Variants in ZNF735 observed in about 807,000 individuals in gnomAD.
ZNF735 encodes zinc finger protein 735, also known as putative zinc finger protein 735.
In ZNF735, 11 loss-of-function variants were observed where a neutral mutation model predicts 13.4. That is an observed-to-expected ratio of 0.82 (90% CI 0.52 to 1.36). The LOEUF (loss-of-function observed/expected upper bound fraction) is 1.36. Ranked by LOEUF, ZNF735 falls within the 40% of genes most tolerant of loss-of-function variation. The pLI is 0.00. For missense variants in ZNF735, 500 were observed against 484.6 expected, an observed-to-expected ratio of 1.03 and a Z score of -0.30; for synonymous variants, 171 against 162.6, an observed-to-expected ratio of 1.05 and a Z score of -0.39.
intron 1 of ZNF735, among the ~76,000 whole-genome samples, chr7:64,211,890 A>T (rs796613130): frequency 0.013 from 1,254 of 96,512 alleles, 17 homozygotes; most frequent in African/African-American, 0.048. Context: ...AAAGAAAAAA[A>T]ATATATATAT....
chr7:64,219,935 G>C (rs1468894763), exon 4 of ZNF735: 3 of 1,607,254 alleles, frequency 1.9e-6, no homozygotes, highest in Non-Finnish European at 2.5e-6. Flanking sequence ...ACTGGAGAGA[G>C]ACCCTACAAA....
chr7:64,220,282 T>G (rs755260446), exon 4 of ZNF735: 1 of 1,606,094 alleles, frequency 6.2e-7, no homozygotes, highest in Non-Finnish European at 8.5e-7. Context: ...ACCCTACAAA[T>G]GTAAATAATG....
At position 64,217,153 on chromosome 7, in the gene ZNF735, A is replaced by G. The variant is rs983323831; in HGVS notation, c.263-2161A>G. On this transcript the variant is annotated intron_variant, in intron 3 of 3. Transcript: ENST00000429565. ...AATCCCTCATGAATGACTTGGCACA[A>G]TCATAGAGTTCTCACACTATTAATT... Among the ~76,000 whole-genome samples the G allele has an allele frequency of 3.3e-5, 5 of 152,164 alleles. No homozygotes were observed. The East Asian group carries it at 5.8e-4, about 18-fold the overall frequency.
chr7:64,211,788 C>G (rs951449623), intron 1 of ZNF735, among the ~76,000 whole-genome samples: 8 of 151,202 alleles, frequency 5.3e-5, no homozygotes, highest in African/African-American at 1.9e-4. Flanking sequence ...ATTGCTTGAC[C>G]TCAGGAGGCG....
chr7:64,217,192 G>A (rs931637340), intron 3 of ZNF735, among the ~76,000 whole-genome samples: 3 of 152,146 alleles, frequency 2.0e-5, no homozygotes, highest in Admixed American at 6.5e-5. Context: ...ATGAGAGCTG[G>A]TTGCTTAAAG....
chr7:64,207,363 C>T, intron 1 of ZNF735, 122 bp downstream of exon 1: 6 of 1,587,988 alleles, frequency 3.8e-6, no homozygotes, highest in Middle Eastern at 3.7e-4. Flanking sequence ...CCCAAATCCT[C>T]CTTGGCCCAG....
intron 3 of ZNF735, among the ~76,000 whole-genome samples, chr7:64,216,013 A>G (rs1787416336): frequency 6.6e-6 from 1 of 152,120 alleles, no homozygotes; most frequent in African/African-American, 2.4e-5. Flanking sequence ...TAAAAATTTT[A>G]GGTCAAGCGT....
At chr7:64,212,113 TAGG>T (rs1311382468) in intron 1 of ZNF735, among the ~76,000 whole-genome samples, 2 of 152,154 alleles carry the variant, frequency 1.3e-5, no homozygotes, top group Non-Finnish European at 2.9e-5. Context: ...TAAGTACACT[TAGG>T]AGATTTACTA....
chr7:64,219,540 C>T, exon 4 of ZNF735: 1 of 1,594,914 alleles, frequency 6.3e-7, no homozygotes, highest in Non-Finnish European at 8.6e-7. Flanking sequence ...ATAAATGTGT[C>T]AAAGTCTTCA....
At position 64,207,243 on chromosome 7, in the gene ZNF735, T is replaced by G. The variant is rs1285441385; in HGVS notation, c.39+2T>G. ...GGACCCCCTGGAAGCCGAGAAATGGTGAGTGCTGGGTCTGTCATCGTGAGA... is the reference window on the plus strand; with the variant it reads ...GGACCCCCTGGAAGCCGAGAAATGGGGAGTGCTGGGTCTGTCATCGTGAGA... On this transcript the variant is annotated splice_donor_variant, in intron 1 of 3. Transcript: ENST00000429565. LOFTEE classifies it high-confidence loss of function. The G allele has an allele frequency of 6.2e-7, 1 of 1,614,070 alleles. No individual in the cohort carries two copies. Among genetic ancestry groups the G allele is most frequent in the Non-Finnish European group, 8.5e-7 (1 of 1,180,010 alleles).
At chr7:64,218,091 C>A (rs1367725570) in intron 3 of ZNF735, among the ~76,000 whole-genome samples, 1 of 152,042 alleles carries the variant, frequency 6.6e-6, no homozygotes, top group Non-Finnish European at 1.5e-5. Context: ...CTCTTTTCAG[C>A]ATTTTATTTA....
chr7:64,210,004 CT>C (rs1406031144), intron 1 of ZNF735, among the ~76,000 whole-genome samples: 1 of 151,894 alleles, frequency 6.6e-6, no homozygotes, highest in African/African-American at 2.4e-5. Context: ...TATATATTTT[CT>C]TTTTAAAATT....
intron 1 of ZNF735, among the ~76,000 whole-genome samples, chr7:64,209,276 T>C (rs1787329710): frequency 6.6e-6 from 1 of 151,758 alleles, no homozygotes; most frequent in South Asian, 2.1e-4. Context: ...TTGAATTATT[T>C]CTTTTTTCTT....
intron 3 of ZNF735, among the ~76,000 whole-genome samples, chr7:64,215,015 G>A (rs1396313598): frequency 6.7e-6 from 1 of 149,322 alleles, no homozygotes; most frequent in Non-Finnish European, 1.5e-5. Context: ...CTTCCCATTT[G>A]TATATCTTTT....
chr7:64,211,587 G>A (rs1295893155), intron 1 of ZNF735, among the ~76,000 whole-genome samples: 1 of 152,060 alleles, frequency 6.6e-6, no homozygotes, highest in Non-Finnish European at 1.5e-5. Context: ...ATTTAGGTCA[G>A]TCACGGTGGC....
At chr7:64,215,944 G>A (rs994456712) in intron 3 of ZNF735, among the ~76,000 whole-genome samples, 4 of 152,064 alleles carry the variant, frequency 2.6e-5, no homozygotes, top group Non-Finnish European at 4.4e-5. Flanking sequence ...TTGAAATCAT[G>A]AAGTATAATG....
Position 64,213,082 on chromosome 7 carries a change from T to G in ZNF735, c.40-10T>G. 6.2e-7 allele frequency: 1 copy of G among 1,607,198 alleles called. No individual in the cohort carries two copies. Among genetic ancestry groups the G allele is most frequent in the Non-Finnish European group, 8.5e-7 (1 of 1,176,654 alleles). On this transcript the variant is annotated splice_polypyrimidine_tract_variant and intron_variant, in intron 1 of 3. Transcript: ENST00000429565. ...TGTGTGTTCATGAGGTTTTTCTTTTTTTTTTTCAGGGACTGTTGACATTCA... is the reference window on the plus strand; with the variant it reads ...TGTGTGTTCATGAGGTTTTTCTTTTGTTTTTTCAGGGACTGTTGACATTCA...
At chr7:64,219,202 T>G in intron 3 of ZNF735, 112 bp from the exon 4 acceptor site, 1 of 1,350,960 alleles carries the variant, frequency 7.4e-7, no homozygotes, top group Non-Finnish European at 1.0e-6. Flanking sequence ...CCTGTGGTAT[T>G]TTGATATGCC....
chr7:64,210,051 G>A (rs2116477921), intron 1 of ZNF735, among the ~76,000 whole-genome samples: 1 of 152,192 alleles, frequency 6.6e-6, no homozygotes, highest in African/African-American at 2.4e-5. Flanking sequence ...TAAAAATGCT[G>A]TGCTCTTAAT....
Sources: allele counts gnomAD v4.1 joint callset (sites outside exome capture counted in the v4.1 genomes callset), GRCh38; gene constraint gnomAD v4.1.1; transcripts MANE v1.5; gene names NCBI Gene and HGNC (gene_info 2026-07-23, HGNC 2026-07-21).